The following TBCA variants were observed in gnomAD, a reference collection of about 807,000 sequenced individuals.
TBCA encodes tubulin folding cofactor A, also known as tubulin-specific chaperone A.
Under a neutral mutation model 15.8 loss-of-function variants are expected in TBCA, and 6 were observed. That is an observed-to-expected ratio of 0.38 (90% CI 0.21 to 0.75). TBCA has a LOEUF of 0.75. Among genes scored for constraint, TBCA ranks in the 30% least tolerant of loss-of-function variants. The pLI, the probability that TBCA is intolerant of heterozygous loss-of-function variation, is 0.46. For synonymous variants in TBCA, 32 were observed against 42.3 expected (o/e 0.76, Z 0.94); for missense variants, 90 against 131.2 (o/e 0.69, Z 1.53).
chr5:77,776,131 G>C lies in TBCA; in HGVS notation c.53+74C>G, dbSNP rs1450993237. The C allele has an allele frequency of 2.6e-6, 4 of 1,537,124 alleles. No individual in the cohort carries two copies. In the African/African-American group the frequency reaches 5.5e-5, roughly 21 times the overall value. On this transcript the variant is annotated intron_variant, in intron 1 of 3. Coordinates refer to ENST00000380377, the MANE Select transcript of TBCA (RefSeq NM_004607.3). ...GCCCGCCTCGGGCCTCCTCGGGCCT[G>C]CGCTCCGCTCAGCCTCGCGGGCCGC... is the stretch of plus-strand genomic sequence containing the variant.
intron 1 of TBCA, among the ~76,000 whole-genome samples, chr5:77,751,191 G>C (rs1260810297): frequency 9.8e-6 from 1 of 102,062 alleles, no homozygotes; most frequent in Non-Finnish European, 1.8e-5. Context: ...TTGAGACACA[G>C]TTTCGCTCTT....
chr5:77,713,340 A>G (rs886346189), intron 1 of TBCA, among the ~76,000 whole-genome samples: 1 of 152,158 alleles, frequency 6.6e-6, no homozygotes, highest in East Asian at 1.9e-4. Context: ...TTGGATAATA[A>G]TCACTTCCAA....
At chr5:77,735,717 A>G (rs1746884908) in intron 1 of TBCA, among the ~76,000 whole-genome samples, 1 of 152,214 alleles carries the variant, frequency 6.6e-6, no homozygotes, top group Non-Finnish European at 1.5e-5. Flanking sequence ...AATACAACTA[A>G]GAGCATTCAA....
Position 77,691,341 on chromosome 5 carries a change from T to C in TBCA, c.*77A>G, listed in dbSNP as rs922052078. The C allele has an allele frequency of 1.5e-5, 19 of 1,237,412 alleles. No homozygotes were observed. The highest frequency in any genetic ancestry group is 9.7e-5 in the East Asian group (4 of 41,250). 76.7% of individuals were successfully genotyped at this position (1,237,412 alleles called of 1,614,324 possible). A position where few individuals can be genotyped will look rare whatever the true frequency, so the allele number is the denominator to read the frequency against. ...CACATTCTCATACTACTTGAACACA[T>C]AGCAGTGGTCAAAAATAATGGATTG... is the stretch of plus-strand genomic sequence containing the variant. On this transcript the variant is annotated 3_prime_UTR_variant, in exon 4 of 4. Transcript: ENST00000380377.
chr5:77,708,455 T>C (rs1294434679), intron 1 of TBCA, 108 bp from the exon 2 acceptor site: 7 of 613,332 alleles, frequency 1.1e-5, no homozygotes, highest in Admixed American at 3.0e-5. Context: ...AAAGTAGATA[T>C]ACTAGATGGG....
At chr5:77,709,365 T>C (rs1446081869) in intron 1 of TBCA, among the ~76,000 whole-genome samples, 1 of 152,226 alleles carries the variant, frequency 6.6e-6, no homozygotes, top group Non-Finnish European at 1.5e-5. Context: ...ATCCAAATTA[T>C]ATTAATCATA....
chr5:77,776,279 AG>A lies in TBCA; in HGVS notation c.-23del. ...CCATGGTCCCTCGAGCGCCGCGAGA[AG>A]GAGGGGCGGAGAGCCGGGGTAACCG... On this transcript the variant is annotated 5_prime_UTR_variant, in exon 1 of 4. Transcript: ENST00000380377. The A allele has an allele frequency of 6.4e-7, 1 of 1,571,852 alleles. No homozygotes were observed. The highest frequency in any genetic ancestry group is 2.4e-5 in the East Asian group (1 of 42,410).
chr5:77,744,727 G>T (rs535336386), intron 1 of TBCA, among the ~76,000 whole-genome samples: 1 of 151,666 alleles, frequency 6.6e-6, no homozygotes, highest in African/African-American at 2.4e-5. Context: ...GTAGAGACGG[G>T]GTTTCACCAT....
chr5:77,761,139 G>C (rs1408307262), intron 1 of TBCA, among the ~76,000 whole-genome samples: 1 of 150,414 alleles, frequency 6.6e-6, no homozygotes, highest in Non-Finnish European at 1.5e-5. Context: ...GCTCCGAAGA[G>C]ACAGCGACCA....
intron 2 of TBCA, among the ~76,000 whole-genome samples, chr5:77,695,606 G>C (rs1349798867): frequency 6.6e-6 from 1 of 152,106 alleles, no homozygotes; most frequent in Non-Finnish European, 1.5e-5. Context: ...TTAAAACACA[G>C]TATATGAGGT....
At chr5:77,733,907 G>A (rs1746835214) in intron 1 of TBCA, among the ~76,000 whole-genome samples, 1 of 152,198 alleles carries the variant, frequency 6.6e-6, no homozygotes, top group Admixed American at 6.5e-5. Context: ...TCTCTTGCTA[G>A]GTGCTAATGC....
intron 1 of TBCA, among the ~76,000 whole-genome samples, chr5:77,773,569 G>A (rs1747958516): frequency 6.6e-6 from 1 of 152,160 alleles, no homozygotes; most frequent in African/African-American, 2.4e-5. Flanking sequence ...ATAGAATAAA[G>A]GGCAGAATCA....
chr5:77,723,523 T>C (rs1380656203), intron 1 of TBCA, among the ~76,000 whole-genome samples: 1 of 152,000 alleles, frequency 6.6e-6, no homozygotes, highest in Non-Finnish European at 1.5e-5. Flanking sequence ...CTAGCTTTAA[T>C]GCTGTGAGAA....
chr5:77,726,821 T>C (rs1746639572), intron 1 of TBCA, among the ~76,000 whole-genome samples: 1 of 152,134 alleles, frequency 6.6e-6, no homozygotes, highest in South Asian at 2.1e-4. Flanking sequence ...AAGCAAAATA[T>C]AGTCTATATA....
At chr5:77,712,184 T>G (rs1380842570) in intron 1 of TBCA, among the ~76,000 whole-genome samples, 1 of 152,200 alleles carries the variant, frequency 6.6e-6, no homozygotes, top group African/African-American at 2.4e-5. Context: ...ATCATCAAAT[T>G]GCTTTCCAAA....
intron 2 of TBCA, among the ~76,000 whole-genome samples, chr5:77,702,122 CA>C (rs545672738): frequency 1.9e-4 from 29 of 152,078 alleles, no homozygotes; most frequent in African/African-American, 6.3e-4. Context: ...ACCAAAATCT[CA>C]AAAATCACCA....
chr5:77,694,677 GC>G (rs1745834003), intron 2 of TBCA, among the ~76,000 whole-genome samples: 1 of 152,084 alleles, frequency 6.6e-6, no homozygotes, highest in Non-Finnish European at 1.5e-5. Context: ...GACAATCTGA[GC>G]TTTTTACTAA....
chr5:77,776,084 C>A (rs1211499191), intron 1 of TBCA, 121 bp downstream of exon 1: 2 of 1,265,882 alleles, frequency 1.6e-6, no homozygotes, highest in South Asian at 1.4e-5. Flanking sequence ...TGCGGAGCCC[C>A]GGGTGCGGCC....
intron 1 of TBCA, among the ~76,000 whole-genome samples, chr5:77,745,535 A>G (rs1175021288): frequency 6.6e-6 from 1 of 152,212 alleles, no homozygotes; most frequent in African/African-American, 2.4e-5. Context: ...TTAAACCTGA[A>G]TATCTGATAT....
Sources: gnomAD v4.1 joint callset for allele counts (sites outside exome capture counted in the v4.1 genomes callset) on GRCh38, gnomAD v4.1.1 for gene constraint, MANE v1.5 for transcripts, NCBI Gene and HGNC (gene_info 2026-07-23, HGNC 2026-07-21) for gene names.